Variants in GRIP1 observed in about 807,000 individuals in gnomAD.
The protein encoded by GRIP1 is glutamate receptor interacting protein 1, also known as glutamate receptor-interacting protein 1.
A neutral mutation model predicts 129.9 loss-of-function variants in GRIP1; 45 were observed. The observed-to-expected ratio is 0.35, with a 90% CI of 0.27 to 0.44. GRIP1 has a LOEUF of 0.44. Ranked by LOEUF, GRIP1 falls within the 20% of genes least tolerant of loss-of-function variation. GRIP1 has a pLI of 1.00. For missense variants in GRIP1, 1,196 were observed against 1,396.8 expected (o/e 0.86, Z 2.29); for synonymous variants, 530 against 520.8 (o/e 1.02, Z -0.24).
At chr12:66,946,104 T>G (rs962744706) in intron 1 of GRIP1, among the ~76,000 whole-genome samples, 2 of 152,210 alleles carry the variant, frequency 1.3e-5, no homozygotes, top group African/African-American at 2.4e-5. Flanking sequence ...AGTCAACAAC[T>G]CAATGTTTTC....
At chr12:66,844,677 C>T (rs1202342521) in intron 1 of GRIP1, among the ~76,000 whole-genome samples, 5 of 152,146 alleles carry the variant, frequency 3.3e-5, no homozygotes, top group Non-Finnish European at 5.9e-5. Context: ...GCATTATTCA[C>T]AATGGCCAAA....
chr12:66,538,602 T>G (rs934221808), intron 4 of GRIP1, among the ~76,000 whole-genome samples: 8 of 152,088 alleles, frequency 5.3e-5, no homozygotes, highest in African/African-American at 9.7e-5. Context: ...TTATTAATGT[T>G]GTGTGTGTTT....
At chr12:66,671,873 T>C (rs940289550) in intron 1 of GRIP1, among the ~76,000 whole-genome samples, 3 of 152,186 alleles carry the variant, frequency 2.0e-5, no homozygotes, top group African/African-American at 7.2e-5. Flanking sequence ...TGAAGATACA[T>C]GAAGGCAACA....
chr12:66,487,724 C>T (rs2059993233), intron 7 of GRIP1, among the ~76,000 whole-genome samples: 1 of 152,200 alleles, frequency 6.6e-6, no homozygotes, highest in East Asian at 1.9e-4. Context: ...TTGGTATGCT[C>T]TGTTCAAGAG....
intron 2 of GRIP1, among the ~76,000 whole-genome samples, chr12:66,574,719 T>C (rs1368583166): frequency 6.6e-6 from 1 of 152,148 alleles, no homozygotes; most frequent in Non-Finnish European, 1.5e-5. Flanking sequence ...TTCTGCCCAC[T>C]TTCATGGTCA....
Position 66,709,099 on chromosome 12 carries a change from T to G in GRIP1, c.-419-78763A>C, listed in dbSNP as rs149057788. 2.9e-3 allele frequency among the ~76,000 whole-genome samples: 441 copies of G among 151,640 alleles called. 1 individual carries two copies. The highest frequency in any genetic ancestry group is 0.01 in the African/African-American group (424 of 41,414). On this transcript the variant is annotated intron_variant, in intron 1 of 4. Coordinates refer to the GRIP1 transcript ENST00000538373. ...CCCACAGCATTTACTATACAGCAAA[T>G]AAAAAGAAATACTCAAAATAAGGCA...
At chr12:66,614,629 T>A (rs1279977271) in intron 1 of GRIP1, among the ~76,000 whole-genome samples, 1 of 152,108 alleles carries the variant, frequency 6.6e-6, no homozygotes, top group Non-Finnish European at 1.5e-5. Flanking sequence ...AGTTACCTTT[T>A]AAAAATTAAA....
At chr12:66,851,657 T>C (rs967062668) in intron 1 of GRIP1, among the ~76,000 whole-genome samples, 1 of 152,080 alleles carries the variant, frequency 6.6e-6, no homozygotes. Context: ...ATTTTACAAA[T>C]TGGCTCATTT....
At chr12:66,753,413 C>T (rs12320689) in intron 1 of GRIP1, among the ~76,000 whole-genome samples, 11,333 of 152,178 alleles carry the variant, frequency 0.074, 597 homozygotes, top group South Asian at 0.16. Flanking sequence ...AGGAAGAATC[C>T]AAGGTCCCCA....
intron 1 of GRIP1, among the ~76,000 whole-genome samples, chr12:66,791,932 T>C (rs2038549824): frequency 6.6e-6 from 1 of 152,160 alleles, no homozygotes; most frequent in East Asian, 1.9e-4. Context: ...TGATTTGCCA[T>C]TCCTGAGTTA....
intron 24 of GRIP1, among the ~76,000 whole-genome samples, chr12:66,352,520 G>T (rs1156940335): frequency 6.6e-6 from 1 of 152,012 alleles, no homozygotes; most frequent in Non-Finnish European, 1.5e-5. Flanking sequence ...ATCACTTGAG[G>T]TCAGGAGTAT....
At chr12:66,672,481 T>C (rs1010081391) in intron 1 of GRIP1, among the ~76,000 whole-genome samples, 1 of 151,784 alleles carries the variant, frequency 6.6e-6, no homozygotes, top group African/African-American at 2.4e-5. Flanking sequence ...GTAATAAATA[T>C]CTGGGTGCAT....
intron 1 of GRIP1, among the ~76,000 whole-genome samples, chr12:66,989,287 C>T (rs1052632002): frequency 1.4e-4 from 22 of 152,240 alleles, no homozygotes; most frequent in African/African-American, 5.1e-4. Context: ...ACACCTTCTT[C>T]TTTGTTGCTA....
intron 1 of GRIP1, among the ~76,000 whole-genome samples, chr12:66,948,521 A>T (rs2041706474): frequency 6.6e-6 from 1 of 152,224 alleles, no homozygotes; most frequent in South Asian, 2.1e-4. Flanking sequence ...TCATAGAAGA[A>T]GATTATGAGC....
chr12:66,610,267 T>C (rs899984322), intron 1 of GRIP1, among the ~76,000 whole-genome samples: 6 of 152,046 alleles, frequency 3.9e-5, no homozygotes, highest in Admixed American at 1.3e-4. Context: ...TACAGATACA[T>C]AGATACACAC....
intron 20 of GRIP1, 56 bp from the exon 21 acceptor site, chr12:66,377,341 T>TTC: frequency 8.3e-7 from 1 of 1,207,442 alleles, no homozygotes; most frequent in Non-Finnish European, 1.2e-6. Flanking sequence ...TTTTTTTTTT[T>TTC]TTTTGAGACG....
intron 2 of GRIP1, among the ~76,000 whole-genome samples, chr12:66,567,250 T>C (rs1422819270): frequency 2.6e-5 from 4 of 152,170 alleles, no homozygotes; most frequent in Admixed American, 1.3e-4. Flanking sequence ...CTGCTTTCTC[T>C]TGTGGGCATT....
intron 1 of GRIP1, among the ~76,000 whole-genome samples, chr12:66,852,124 G>C (rs919854748): frequency 2.6e-5 from 4 of 151,974 alleles, no homozygotes; most frequent in Admixed American, 2.6e-4. Context: ...CTGAGTTAAG[G>C]CTGTAAAGAA....
intron 1 of GRIP1, among the ~76,000 whole-genome samples, chr12:66,611,808 T>TG (rs2064807323): frequency 5.0e-3 from 1 of 200 alleles, no homozygotes; most frequent in African/African-American, 0.023. Flanking sequence ...CTACGGTTTA[T>TG]ACAACAGAGT....
Sources: gnomAD v4.1 joint callset for allele counts (sites outside exome capture counted in the v4.1 genomes callset) on GRCh38, gnomAD v4.1.1 for gene constraint, MANE v1.5 for transcripts, NCBI Gene and HGNC (gene_info 2026-07-23, HGNC 2026-07-21) for gene names.